The following EYS variants were observed in gnomAD, a reference collection of about 807,000 sequenced individuals.
The protein encoded by EYS is EGF-like photoreceptor maintenance factor.
A neutral mutation model predicts 282.1 loss-of-function variants in EYS; 250 were observed. The ratio of observed to expected loss-of-function variants is 0.89; its 90% CI spans 0.80 to 0.98. The LOEUF (loss-of-function observed/expected upper bound fraction) is 0.98, where lower values mean the gene tolerates loss of function less well. Among genes scored for constraint, EYS ranks in the 50% least tolerant of loss-of-function variants. The pLI, the probability that EYS is intolerant of heterozygous loss-of-function variation, is 0.00. For missense variants in EYS, 4,016 were observed against 3,709.0 expected (o/e 1.08, Z -2.15); for synonymous variants, 1,355 against 1,282.9 (o/e 1.06, Z -1.20).
At chr6:65,014,916 T>G (rs1771994052) in intron 13 of EYS, among the ~76,000 whole-genome samples, 1 of 152,114 alleles carries the variant, frequency 6.6e-6, no homozygotes, top group East Asian at 1.9e-4. Context: ...GCCCTAACTA[T>G]AATCATAAGG....
chr6:65,597,621 A>G (rs555361847), intron 2 of EYS, among the ~76,000 whole-genome samples: 1 of 152,280 alleles, frequency 6.6e-6, no homozygotes, highest in South Asian at 2.1e-4. Context: ...ATCTCAATGC[A>G]AGGTCACTTC....
intron 12 of EYS, among the ~76,000 whole-genome samples, chr6:65,081,358 G>A (rs903248865): frequency 3.3e-5 from 5 of 152,016 alleles, no homozygotes; most frequent in Non-Finnish European, 5.9e-5. Flanking sequence ...GGAGCCTAGA[G>A]TCTTCCAAGC....
chr6:64,688,836 C>T (rs1301853105), intron 22 of EYS, among the ~76,000 whole-genome samples: 1 of 151,972 alleles, frequency 6.6e-6, no homozygotes, highest in Non-Finnish European at 1.5e-5. Flanking sequence ...TTAAAATCTC[C>T]CATTATGACA....
intron 31 of EYS, among the ~76,000 whole-genome samples, chr6:64,163,479 CTTTA>C (rs1241709023): frequency 2.0e-5 from 3 of 151,940 alleles, no homozygotes; most frequent in Non-Finnish European, 4.4e-5. Flanking sequence ...TCTACACATT[CTTTA>C]TTTAATTATT....
chr6:64,501,317 A>G (rs544648990), intron 26 of EYS, among the ~76,000 whole-genome samples: 38 of 152,200 alleles, frequency 2.5e-4, no homozygotes, highest in African/African-American at 9.1e-4. Flanking sequence ...AAGTAATGAT[A>G]TCTGAAAATA....
chr6:64,924,876 T>C (rs1477809360), intron 15 of EYS, among the ~76,000 whole-genome samples: 1 of 152,162 alleles, frequency 6.6e-6, no homozygotes, highest in Non-Finnish European at 1.5e-5. Context: ...AACAAGACTC[T>C]AGGAAGTTCA....
In EYS at chr6:63,721,623, T is replaced by C; in HGVS notation, c.8408A>G (p.Asn2803Ser). Reference sequence around the variant, plus strand: ...TTTAGTGGAGGCCTTTTCTGTTACATTTATCCCATCTAGATCCAGGTAGCC... The same window carrying C: ...TTTAGTGGAGGCCTTTTCTGTTACACTTATCCCATCTAGATCCAGGTAGCC... ...AEGYLDLDGI[N>S]VTEKASTKMS... is the part of the protein sequence containing the mutation. Residue 2803 changes from asparagine (N) to serine (S), a missense_variant, in exon 43 of 43, where the codon AAT (asparagine) becomes AGT (serine). By Grantham distance (46) the Asn-to-Ser change is conservative. Coordinates refer to ENST00000503581, the MANE Select transcript of EYS (RefSeq NM_001142800.2). 1 of 1,551,336 alleles carries C rather than the reference T, an allele frequency of 6.4e-7. No homozygotes were observed. Among genetic ancestry groups the C allele is most frequent in the South Asian group, 1.2e-5 (1 of 84,044 alleles).
At chr6:64,255,171 G>C (rs765255095) in intron 30 of EYS, among the ~76,000 whole-genome samples, 3 of 152,042 alleles carry the variant, frequency 2.0e-5, no homozygotes, top group Non-Finnish European at 4.4e-5. Flanking sequence ...AGTAGAAGCT[G>C]AGGCAAAAAA....
intron 29 of EYS, among the ~76,000 whole-genome samples, chr6:64,372,729 T>G (rs1281271777): frequency 6.6e-6 from 1 of 152,192 alleles, no homozygotes; most frequent in African/African-American, 2.4e-5. Flanking sequence ...TTGTCAGAGA[T>G]TTTGTTCATT....
At chr6:65,633,781 G>T (rs1020010413) in intron 2 of EYS, among the ~76,000 whole-genome samples, 3 of 152,176 alleles carry the variant, frequency 2.0e-5, no homozygotes, top group African/African-American at 7.2e-5. Flanking sequence ...TCAAATTGGA[G>T]TCCTTCCTAC....
intron 30 of EYS, among the ~76,000 whole-genome samples, chr6:64,251,559 A>G (rs1767218359): frequency 6.6e-6 from 1 of 152,170 alleles, no homozygotes; most frequent in Non-Finnish European, 1.5e-5. Context: ...CTTAGTTGTT[A>G]CTTCTCTTCT....
At chr6:64,274,474 C>T (rs1015060011) in intron 30 of EYS, among the ~76,000 whole-genome samples, 1 of 121,448 alleles carries the variant, frequency 8.2e-6, no homozygotes, top group African/African-American at 4.3e-5. Context: ...AGCCACCACG[C>T]CTGGCCGTTT....
At chr6:63,858,009 A>T (rs1772437517) in intron 36 of EYS, among the ~76,000 whole-genome samples, 1 of 152,108 alleles carries the variant, frequency 6.6e-6, no homozygotes, top group Admixed American at 6.6e-5. Flanking sequence ...AGTAGCCTTG[A>T]GGCCAGAGCA....
chr6:64,121,865 C>A (rs548060285), intron 31 of EYS, among the ~76,000 whole-genome samples: 1 of 152,172 alleles, frequency 6.6e-6, no homozygotes, highest in Non-Finnish European at 1.5e-5. Context: ...CAGTACCCAT[C>A]ATGGAGCTCA....
At chr6:64,396,157 TTGA>T (rs551822991) in intron 28 of EYS, among the ~76,000 whole-genome samples, 38 of 152,248 alleles carry the variant, frequency 2.5e-4, no homozygotes, top group African/African-American at 8.7e-4. Flanking sequence ...TATTTTTGAA[TTGA>T]ATAGTTTATT....
chr6:65,085,024 A>C (rs1301293535), intron 12 of EYS, among the ~76,000 whole-genome samples: 1 of 152,126 alleles, frequency 6.6e-6, no homozygotes, highest in East Asian at 1.9e-4. Context: ...ACTGGAATCA[A>C]ATCTTAGAAA....
intron 22 of EYS, among the ~76,000 whole-genome samples, chr6:64,791,860 T>C (rs1160911297): frequency 6.6e-6 from 1 of 151,918 alleles, no homozygotes; most frequent in African/African-American, 2.4e-5. Flanking sequence ...ATTAATCGTA[T>C]ATATTTATAG....
At chr6:65,152,320 C>T (rs900444410) in intron 12 of EYS, among the ~76,000 whole-genome samples, 11 of 151,942 alleles carry the variant, frequency 7.2e-5, no homozygotes, top group Non-Finnish European at 1.3e-4. Flanking sequence ...GTCCACCACC[C>T]TAAAGATCCC....
chr6:63,911,550 A>G (rs1430753656), intron 35 of EYS, among the ~76,000 whole-genome samples: 1 of 152,200 alleles, frequency 6.6e-6, no homozygotes, highest in Non-Finnish European at 1.5e-5. Context: ...TGTTTATTTA[A>G]TATTTTACAT....
Sources: allele counts gnomAD v4.1 joint callset (sites outside exome capture counted in the v4.1 genomes callset), GRCh38; gene constraint gnomAD v4.1.1; transcripts MANE v1.5; gene names NCBI Gene and HGNC (gene_info 2026-07-23, HGNC 2026-07-21).